Variants in FOXP1 observed in about 807,000 individuals in gnomAD.
FOXP1 encodes forkhead box protein P1.
A neutral mutation model predicts 98.2 loss-of-function variants in FOXP1; 15 were observed. The observed-to-expected ratio is 0.15, with a 90% CI of 0.10 to 0.24. FOXP1 has a LOEUF of 0.24. Among genes scored for constraint, FOXP1 ranks in the 10% least tolerant of loss-of-function variants. The pLI, the probability that FOXP1 is intolerant of heterozygous loss-of-function variation, is 1.00. For synonymous variants in FOXP1, 371 were observed against 314.5 expected (o/e 1.18, Z -1.90); for missense variants, 633 against 848.5 (o/e 0.75, Z 3.15).
chr3:71,238,754 C>T (rs1164899067), intron 5 of FOXP1, among the ~76,000 whole-genome samples: 1 of 152,202 alleles, frequency 6.6e-6, no homozygotes, highest in African/African-American at 2.4e-5. Context: ...GCTGAGGTGG[C>T]TTCCCATCTA....
rs2090567370 is a variant in FOXP1, at chr3:71,485,307, G to A, written c.-168+8119C>T. Among the ~76,000 whole-genome samples the A allele has an allele frequency of 2.0e-5, 3 of 152,134 alleles. No homozygotes were observed. In the South Asian group the frequency reaches 6.2e-4, roughly 31 times the overall value. On this transcript the variant is annotated intron_variant, in intron 3 of 20. Transcript: ENST00000649528. ...AAAATATTTAAAAGTAGAGAAAATA[G>A]TAAACCCCCTTATATCCATCACCTA...
chr3:71,083,401 C>G lies in FOXP1; in HGVS notation c.282+29135G>C, dbSNP rs568602358. Among the ~76,000 whole-genome samples the G allele has an allele frequency of 2.6e-5, 4 of 152,196 alleles. No individual in the cohort carries two copies. In the East Asian group the frequency reaches 7.7e-4, roughly 29 times the overall value. ...TTGTGGAACCATGAGCCAAATAAAC[C>G]TCTTTTCTTTATAAATTACCCAGCC... On this transcript the variant is annotated intron_variant, in intron 7 of 20. Coordinates refer to ENST00000649528, the MANE Select transcript of FOXP1 (RefSeq NM_001349338.3).
chr3:71,272,891 A>AC (rs1359375312), intron 5 of FOXP1, among the ~76,000 whole-genome samples: 1 of 152,056 alleles, frequency 6.6e-6, no homozygotes, highest in African/African-American at 2.4e-5. Flanking sequence ...TTATTTCTGG[A>AC]CCTGGAGGCA....
intron 14 of FOXP1, 50 bp downstream of exon 14, chr3:70,987,944 G>C: frequency 6.4e-7 from 1 of 1,556,692 alleles, no homozygotes; most frequent in South Asian, 1.1e-5. Flanking sequence ...AAGTAGAAAA[G>C]GAATACTGTG....
intron 6 of FOXP1, among the ~76,000 whole-genome samples, chr3:71,186,184 T>C (rs2108308794): frequency 6.6e-6 from 1 of 152,330 alleles, no homozygotes; most frequent in South Asian, 2.1e-4. Context: ...TTAATTTTCT[T>C]TGGCATGGAG....
At position 71,268,665 on chromosome 3, in the gene FOXP1, G is replaced by A. The variant is rs561119872; in HGVS notation, c.-12+31155C>T. On this transcript the variant is annotated intron_variant, in intron 5 of 20. Coordinates refer to ENST00000649528, the MANE Select transcript of FOXP1 (RefSeq NM_001349338.3). ...GAGAGATGTAATCTTACAGACTTCT[G>A]TTAGTCCCCTGATTCTGTCCCTTGT... is the stretch of plus-strand genomic sequence containing the variant. 3.9e-5 allele frequency among the ~76,000 whole-genome samples: 6 copies of A among 152,294 alleles called. No individual in the cohort carries two copies. In the South Asian group the frequency reaches 1.2e-3, roughly 32 times the overall value.
intron 4 of FOXP1, among the ~76,000 whole-genome samples, chr3:71,314,476 C>T (rs111408641): frequency 0.013 from 1,910 of 150,004 alleles, 33 homozygotes; most frequent in Middle Eastern, 0.031. Context: ...TGCAGTGAGC[C>T]GAGATAATGA....
Position 71,041,560 on chromosome 3 carries a change from T to C in FOXP1, c.665-28A>G, listed in dbSNP as rs376595412. On this transcript the variant is annotated intron_variant, in intron 10 of 20. Coordinates refer to ENST00000649528, the MANE Select transcript of FOXP1 (RefSeq NM_001349338.3). ...GAAACAAACAAATTGGATAATTAAA[T>C]CAATTAACAGCTAATTCCGTCCTCT... The C allele has an allele frequency of 1.8e-4, 288 of 1,591,702 alleles. No individual in the cohort carries two copies. In the African/African-American group the frequency reaches 3.4e-3, roughly 19 times the overall value.
At chr3:71,124,965 A>C (rs989900721) in intron 6 of FOXP1, among the ~76,000 whole-genome samples, 1 of 152,222 alleles carries the variant, frequency 6.6e-6, no homozygotes, top group East Asian at 1.9e-4. Flanking sequence ...TAATTGTACA[A>C]AAAGCAAACT....
chr3:71,410,230 T>A (rs192380762), intron 3 of FOXP1, among the ~76,000 whole-genome samples: 1 of 152,326 alleles, frequency 6.6e-6, no homozygotes, highest in African/African-American at 2.4e-5. Flanking sequence ...ACGAGTTATT[T>A]TCCTTTTCAA....
At chr3:71,060,329 G>C (rs577218023) in intron 7 of FOXP1, among the ~76,000 whole-genome samples, 3 of 152,196 alleles carry the variant, frequency 2.0e-5, no homozygotes, top group Admixed American at 6.5e-5. Flanking sequence ...TCACAGTTAA[G>C]CTAAAGGGTG....
At chr3:71,389,395 G>A (rs1424069000) in intron 3 of FOXP1, among the ~76,000 whole-genome samples, 3 of 152,126 alleles carry the variant, frequency 2.0e-5, no homozygotes, top group South Asian at 4.1e-4. Flanking sequence ...GGATCATCTC[G>A]ATAGGTAGCA....
chr3:71,286,780 C>T (rs997498175), intron 5 of FOXP1, among the ~76,000 whole-genome samples: 6 of 152,178 alleles, frequency 3.9e-5, no homozygotes, highest in Non-Finnish European at 5.9e-5. Flanking sequence ...AACTCTACCT[C>T]ATGCTATCAC....
At chr3:71,132,981 T>TAA (rs5849991) in intron 6 of FOXP1, among the ~76,000 whole-genome samples, 14,016 of 147,334 alleles carry the variant, frequency 0.095, 1,923 homozygotes, top group African/African-American at 0.3. Context: ...TCTCTAACCA[T>TAA]AAAAAAAAAA....
intron 3 of FOXP1, among the ~76,000 whole-genome samples, chr3:71,459,823 A>C (rs2108531409): frequency 6.6e-6 from 1 of 152,346 alleles, no homozygotes; most frequent in Admixed American, 6.5e-5. Flanking sequence ...TTTTCATAGG[A>C]AATGAATGCT....
chr3:71,518,681 C>G (rs2042754665), intron 2 of FOXP1, among the ~76,000 whole-genome samples: 2 of 152,166 alleles, frequency 1.3e-5, no homozygotes, highest in South Asian at 4.1e-4. Flanking sequence ...GTGTCTGAAA[C>G]AATGCTTGCA....
At chr3:71,462,174 T>C (rs2088203224) in intron 3 of FOXP1, among the ~76,000 whole-genome samples, 1 of 152,158 alleles carries the variant, frequency 6.6e-6, no homozygotes. Context: ...AATGCACTAC[T>C]GGATAAAGCA....
intron 5 of FOXP1, among the ~76,000 whole-genome samples, chr3:71,254,059 G>C (rs1433285906): frequency 6.6e-6 from 1 of 152,084 alleles, no homozygotes; most frequent in Non-Finnish European, 1.5e-5. Flanking sequence ...GGTTTTCTAG[G>C]GGTGAACAGT....
chr3:71,465,872 A>C (rs1257153899), intron 3 of FOXP1, among the ~76,000 whole-genome samples: 1 of 152,178 alleles, frequency 6.6e-6, no homozygotes, highest in Non-Finnish European at 1.5e-5. Context: ...CAGGAGGGCG[A>C]ACCCTATTGT....
Sources: allele counts gnomAD v4.1 joint callset (sites outside exome capture counted in the v4.1 genomes callset), GRCh38; gene constraint gnomAD v4.1.1; transcripts MANE v1.5; gene names NCBI Gene and HGNC (gene_info 2026-07-23, HGNC 2026-07-21).